The following STAT5B variants were observed in gnomAD, a reference collection of about 807,000 sequenced individuals.
STAT5B encodes transcription factor STAT5B.
STAT5B carries 21 observed loss-of-function variants against 107.8 expected under a neutral mutation model. The observed-to-expected ratio is 0.19, with a 90% CI of 0.14 to 0.28. STAT5B has a LOEUF of 0.28. STAT5B is among the 10% of genes least tolerant of loss of function. STAT5B has a pLI of 1.00. For missense variants in STAT5B, 565 were observed against 1,008.2 expected (o/e 0.56, Z 5.95); for synonymous variants, 325 against 401.7 (o/e 0.81, Z 2.28).
At chr17:42,225,696 G>T (rs769075186) in intron 3 of STAT5B, among the ~76,000 whole-genome samples, 42 of 152,150 alleles carry the variant, frequency 2.8e-4, no homozygotes, top group Non-Finnish European at 5.1e-4. Context: ...CAAAAGAAAT[G>T]CTATGTAAAT....
chr17:42,215,125 T>C (rs1219913594), intron 12 of STAT5B, among the ~76,000 whole-genome samples: 1 of 152,220 alleles, frequency 6.6e-6, no homozygotes, highest in African/African-American at 2.4e-5. Context: ...CACCAAATTA[T>C]ATCTTCCTTG....
At chr17:42,278,945 C>T (rs112810902), upstream of STAT5B, among the ~76,000 whole-genome samples, 59 of 151,904 alleles carry the variant, frequency 3.9e-4, no homozygotes, top group African/African-American at 1.4e-3. Context: ...CGAAACTGCA[C>T]TCCAGCCTGG....
At position 42,201,707 on chromosome 17, in the gene STAT5B, T is replaced by C; in HGVS notation, c.*31A>G. On this transcript the variant is annotated 3_prime_UTR_variant, in exon 19 of 19. Transcript: ENST00000293328. ...ACAAGAGTGATTCCTCTGGTGAAGATGAAGAAGCTGAAGATGGAGAGGTCG... is the reference window on the plus strand; with the variant it reads ...ACAAGAGTGATTCCTCTGGTGAAGACGAAGAAGCTGAAGATGGAGAGGTCG... 7.5e-7 allele frequency: 1 copy of C among 1,326,558 alleles called. No individual in the cohort carries two copies. Among genetic ancestry groups the C allele is most frequent in the Non-Finnish European group, 1.1e-6 (1 of 916,924 alleles). The allele number at this position is 1,326,558 out of a possible 1,614,324, so 82.2% of individuals were successfully genotyped here.
intron 2 of STAT5B, among the ~76,000 whole-genome samples, chr17:42,230,878 T>C (rs1387294622): frequency 6.6e-6 from 1 of 152,082 alleles, no homozygotes; most frequent in Non-Finnish European, 1.5e-5. Context: ...GCCAGGCTTG[T>C]CTCAGAACTC....
chr17:42,288,214 T>C, the STAT5B span: 2 of 152,178 alleles, frequency 1.3e-5, no homozygotes, highest in African/African-American at 4.8e-5. The surrounding 1 kb of genome is among the most constrained non-coding windows in gnomAD (Gnocchi z 4.8). Flanking sequence ...CCCCCGGCTA[T>C]TCTGACCCGC....
intron 12 of STAT5B, among the ~76,000 whole-genome samples, chr17:42,213,214 AT>A (rs986136751): frequency 0.011 from 1,585 of 147,956 alleles, 22 homozygotes; most frequent in African/African-American, 0.036. Flanking sequence ...TTCCACAATT[AT>A]TTTTTTTTTT....
In STAT5B at chr17:42,231,539, G is replaced by A. The variant is rs1018533047; in HGVS notation, c.128+461C>T. ...GTATTTTGTACAGAGACAGGGTTTT[G>A]CTATGTTGCTCAGGCCTTCCTTGAA... On this transcript the variant is annotated intron_variant, in intron 2 of 18. Coordinates refer to ENST00000293328, the MANE Select transcript of STAT5B (RefSeq NM_012448.4). Among the ~76,000 whole-genome samples the A allele has an allele frequency of 2.0e-5, 3 of 152,072 alleles. No homozygotes were observed. In the East Asian group the frequency reaches 5.8e-4, roughly 29 times the overall value.
intron 1 of STAT5B, chr17:42,271,908 C>T (rs1163763164): frequency 1.3e-5 from 2 of 152,154 alleles, no homozygotes; most frequent in African/African-American, 4.8e-5. Flanking sequence ...TAATTGTGCA[C>T]CATGCTAATG....
chr17:42,238,416 T>C (rs1198800295), intron 1 of STAT5B, among the ~76,000 whole-genome samples: 1 of 142,922 alleles, frequency 7.0e-6, no homozygotes, highest in Non-Finnish European at 1.5e-5. Flanking sequence ...TCCCCCAGAG[T>C]GCTGGGATTA....
At chr17:42,273,601 A>T (rs1028889613) in intron 1 of STAT5B, among the ~76,000 whole-genome samples, 5 of 152,216 alleles carry the variant, frequency 3.3e-5, no homozygotes, top group African/African-American at 1.2e-4. Flanking sequence ...ATCTGTGAAT[A>T]ACTTTATGAG....
chr17:42,214,127 A>G (rs889311369), intron 12 of STAT5B: 1 of 819,774 alleles, frequency 1.2e-6, no homozygotes, highest in Non-Finnish European at 1.5e-6. Flanking sequence ...TGGGTGACAG[A>G]GCAAGACTCT....
Position 42,211,998 on chromosome 17 carries a change from A to T in STAT5B, c.1666T>A (p.Ser556Thr), listed in dbSNP as rs777627496. 28 of 1,612,648 alleles carry T rather than the reference A, an allele frequency of 1.7e-5. No individual in the cohort carries two copies. The African/African-American group carries it at 3.3e-4, about 19-fold the overall frequency. The change falls in exon 13 of 19, where the codon TCC becomes ACC. Residue 556 changes from serine to threonine, a missense_variant. Around this residue, in one of 11 missense-constraint regions of STAT5B, gnomAD observed 127 missense variants for 215.8 expected, o/e 0.59. Transcript: ENST00000293328. ...EDYSGLSVSWSQFNRENLPGR... is the reference protein window; with the variant it reads ...EDYSGLSVSWTQFNRENLPGR... ...GGGCTCCTCACCCTGTTGAACTGGG[A>T]CCAGGACACAGACAGGCCACTGTAG...
intron 11 of STAT5B, 47 bp downstream of exon 11, chr17:42,217,113 A>ACG: frequency 6.6e-7 from 1 of 1,514,768 alleles, no homozygotes; most frequent in Non-Finnish European, 9.0e-7. Flanking sequence ...AAAGTACACC[A>ACG]CACACACACA....
At chr17:42,225,180 G>C (rs542981929) in intron 3 of STAT5B, among the ~76,000 whole-genome samples, 1 of 151,866 alleles carries the variant, frequency 6.6e-6, no homozygotes, top group Non-Finnish European at 1.5e-5. Flanking sequence ...TTAGCCCCCC[G>C]AGTAGCTGGG....
At chr17:42,281,874 G>A in the STAT5B span, among the ~76,000 whole-genome samples, 674 of 152,342 alleles carry the variant, frequency 4.4e-3, 8 homozygotes, top group African/African-American at 0.016. Context: ...TGGGGCGGAC[G>A]CAGAGGAGGG....
intron 1 of STAT5B, among the ~76,000 whole-genome samples, chr17:42,252,386 C>G (rs995081251): frequency 6.6e-6 from 1 of 152,150 alleles, no homozygotes; most frequent in Non-Finnish European, 1.5e-5. Context: ...GACATAAGAA[C>G]CAAGGCAACT....
chr17:42,259,228 T>C (rs1446090148), intron 1 of STAT5B, among the ~76,000 whole-genome samples: 2 of 152,128 alleles, frequency 1.3e-5, no homozygotes, highest in Non-Finnish European at 2.9e-5. Flanking sequence ...CTTGAAACTC[T>C]TGGGCTCAAG....
intron 1 of STAT5B, among the ~76,000 whole-genome samples, chr17:42,236,213 A>G (rs2144310379): frequency 1.3e-5 from 2 of 152,338 alleles, no homozygotes; most frequent in South Asian, 4.1e-4. Context: ...AAGTGCTTTG[A>G]TAGAGCTGGA....
At chr17:42,246,896 T>G (rs543299457) in intron 1 of STAT5B, among the ~76,000 whole-genome samples, 14 of 152,356 alleles carry the variant, frequency 9.2e-5, no homozygotes, top group African/African-American at 3.4e-4. Flanking sequence ...TCTAGAAAGC[T>G]ATCATTACAA....
Sources: gnomAD v4.1 joint callset for allele counts (sites outside exome capture counted in the v4.1 genomes callset) on GRCh38, gnomAD v4.1.1 for gene constraint, gnomAD v4.1.1 regional missense constraint, Gnocchi (gnomAD v3.1) non-coding constraint, MANE v1.5 for transcripts, NCBI Gene and HGNC (gene_info 2026-07-23, HGNC 2026-07-21) for gene names.